GALNT13: variants seen among roughly 807,000 people sequenced by gnomAD.
GALNT13 encodes the protein UDP-GalNAc:polypeptide N-acetylgalactosaminyltransferase 13.
Under a neutral mutation model 64.2 loss-of-function variants are expected in GALNT13, and 28 were observed. The observed-to-expected ratio is 0.44, with a 90% CI of 0.32 to 0.60. GALNT13 has a LOEUF of 0.60. GALNT13 is among the 20% of genes least tolerant of loss of function. The probability of loss-of-function intolerance (pLI) is 0.05; values close to 1 mark genes in which losing one functional copy is unlikely to be tolerated. For missense variants in GALNT13, 577 were observed against 669.8 expected, an observed-to-expected ratio of 0.86 and a Z score of 1.53; for synonymous variants, 214 against 224.6, an observed-to-expected ratio of 0.95 and a Z score of 0.42.
At chr2:153,444,096 T>C in the GALNT13 span, among the ~76,000 whole-genome samples, 23 of 152,274 alleles carry the variant, frequency 1.5e-4, no homozygotes, top group Middle Eastern at 3.4e-3. Context: ...ATCTGTCCAT[T>C]CATCCATCCA....
the GALNT13 span, among the ~76,000 whole-genome samples, chr2:153,071,396 A>T: frequency 9.2e-5 from 14 of 152,328 alleles, no homozygotes; most frequent in Admixed American, 3.3e-4. Context: ...AGTACACTAA[A>T]ACTGCCATGC....
At chr2:153,796,249 G>A in the GALNT13 span, among the ~76,000 whole-genome samples, 38 of 152,286 alleles carry the variant, frequency 2.5e-4, no homozygotes, top group African/African-American at 8.2e-4. Context: ...GGCACAGACT[G>A]GGAGAATGTG....
chr2:153,147,081 T>C, the GALNT13 span, among the ~76,000 whole-genome samples: 1 of 151,802 alleles, frequency 6.6e-6, no homozygotes, highest in South Asian at 2.1e-4. Flanking sequence ...GGTGAGGAAC[T>C]GAGTTTCGCG....
the GALNT13 span, among the ~76,000 whole-genome samples, chr2:153,689,070 A>ATGTGTGTGTGTGTGTG: frequency 9.0e-4 from 115 of 127,806 alleles, 2 homozygotes; most frequent in African/African-American, 3.1e-3. Flanking sequence ...CCGCGTGTGT[A>ATGTGTGTGTGTGTGTG]TGTGTGTGTG....
At chr2:153,925,119 A>T (rs1333015597) in intron 2 of GALNT13, among the ~76,000 whole-genome samples, 1 of 152,148 alleles carries the variant, frequency 6.6e-6, no homozygotes, top group Non-Finnish European at 1.5e-5. Context: ...TTGTCATGAC[A>T]TCTTGGCCTG....
chr2:153,725,710 G>A, the GALNT13 span, among the ~76,000 whole-genome samples: 388 of 150,988 alleles, frequency 2.6e-3, 3 homozygotes, highest in Non-Finnish European at 4.2e-3. Flanking sequence ...TTTTGAGGAA[G>A]ATGGATGCTA....
the GALNT13 span, among the ~76,000 whole-genome samples, chr2:153,503,267 G>A: frequency 6.6e-6 from 1 of 152,080 alleles, no homozygotes; most frequent in Non-Finnish European, 1.5e-5. Context: ...AATGTAAGAC[G>A]ATGAGGATCC....
the GALNT13 span, among the ~76,000 whole-genome samples, chr2:153,719,609 G>C: frequency 2.0e-5 from 3 of 152,152 alleles, no homozygotes; most frequent in African/African-American, 4.8e-5. Context: ...TGCGCGCACC[G>C]TGCACGAGCC....
At chr2:154,014,719 G>A (rs1398835741) in intron 3 of GALNT13, among the ~76,000 whole-genome samples, 2 of 135,954 alleles carry the variant, frequency 1.5e-5, no homozygotes, top group African/African-American at 5.5e-5. Context: ...TGCAAGCTCC[G>A]CCTCCTGGGT....
the GALNT13 span, among the ~76,000 whole-genome samples, chr2:153,148,987 C>T: frequency 6.6e-6 from 1 of 151,816 alleles, no homozygotes; most frequent in Non-Finnish European, 1.5e-5. Flanking sequence ...GAAGCTTGAA[C>T]ACACACAAGC....
the GALNT13 span, among the ~76,000 whole-genome samples, chr2:153,435,976 G>A: frequency 2.0e-5 from 3 of 152,108 alleles, no homozygotes; most frequent in Admixed American, 2.0e-4. Context: ...GTCATTGATA[G>A]CTCTTATTAT....
chr2:154,318,978 T>C (rs1271447222), intron 9 of GALNT13, among the ~76,000 whole-genome samples: 1 of 152,092 alleles, frequency 6.6e-6, no homozygotes, highest in Non-Finnish European at 1.5e-5. Context: ...AAGTAAAGAC[T>C]AATTGAATAT....
chr2:153,266,968 T>A, the GALNT13 span, among the ~76,000 whole-genome samples: 1 of 152,244 alleles, frequency 6.6e-6, no homozygotes, highest in Admixed American at 6.5e-5. Flanking sequence ...TGCAAGTCAG[T>A]TACTTCCAAG....
chr2:153,784,511 A>AG, the GALNT13 span, among the ~76,000 whole-genome samples: 21 of 152,324 alleles, frequency 1.4e-4, no homozygotes, highest in African/African-American at 5.1e-4. Context: ...TATTTTAAAT[A>AG]TTGCTAGGCC....
intron 3 of GALNT13, among the ~76,000 whole-genome samples, chr2:154,037,746 T>C (rs1478600644): frequency 6.6e-6 from 1 of 152,152 alleles, no homozygotes; most frequent in Non-Finnish European, 1.5e-5. Flanking sequence ...AAGAAAGTAA[T>C]CTTTTTTATA....
At chr2:153,115,436 T>C in the GALNT13 span, among the ~76,000 whole-genome samples, 9 of 152,220 alleles carry the variant, frequency 5.9e-5, no homozygotes, top group Admixed American at 2.0e-4. Flanking sequence ...TTTTATTATG[T>C]GAAGACCAGT....
At chr2:154,055,754 A>G (rs1053810488) in intron 3 of GALNT13, among the ~76,000 whole-genome samples, 1 of 152,106 alleles carries the variant, frequency 6.6e-6, no homozygotes, top group African/African-American at 2.4e-5. Flanking sequence ...CTTAAATTAT[A>G]TGGTTTTCTC....
chr2:154,456,106 A>T (rs1702028882), downstream of GALNT13, among the ~76,000 whole-genome samples: 1 of 151,450 alleles, frequency 6.6e-6, no homozygotes, highest in Admixed American at 6.6e-5. Context: ...TAAAAATAGC[A>T]CAAGGGGGAA....
At chr2:153,629,543 C>A in the GALNT13 span, among the ~76,000 whole-genome samples, 1 of 152,142 alleles carries the variant, frequency 6.6e-6, no homozygotes, top group Non-Finnish European at 1.5e-5. Flanking sequence ...ACTATAAAAA[C>A]CCTAGAAGAA....
Sources: gnomAD v4.1 joint callset for allele counts (sites outside exome capture counted in the v4.1 genomes callset) on GRCh38, gnomAD v4.1.1 for gene constraint, MANE v1.5 for transcripts, NCBI Gene and HGNC (gene_info 2026-07-23, HGNC 2026-07-21) for gene names.